Variants in VPS13B observed in about 807,000 individuals in gnomAD.
VPS13B encodes the protein intermembrane lipid transfer protein VPS13B.
Under a neutral mutation model 426.4 loss-of-function variants are expected in VPS13B, and 285 were observed. The observed-to-expected ratio is 0.67, with a 90% confidence interval of 0.61 to 0.74. The LOEUF is 0.74. Ranked by LOEUF, VPS13B falls within the 30% of genes least tolerant of loss-of-function variation. The probability of loss-of-function intolerance (pLI) is 0.00; values close to 1 mark genes in which losing one functional copy is unlikely to be tolerated. For missense variants in VPS13B, 4,537 were observed against 4,782.6 expected, an observed-to-expected ratio of 0.95 and a Z score of 1.51; for synonymous variants, 1,676 against 1,676.4, an observed-to-expected ratio of 1.00 and a Z score of 0.01.
intron 31 of VPS13B, among the ~76,000 whole-genome samples, chr8:99,563,613 C>T (rs1825042251): frequency 6.6e-6 from 1 of 152,100 alleles, no homozygotes; most frequent in Admixed American, 6.6e-5. Context: ...GAACTTGTTT[C>T]CACAGAGTAT....
intron 19 of VPS13B, among the ~76,000 whole-genome samples, chr8:99,379,151 G>T (rs968923408): frequency 2.6e-5 from 4 of 152,120 alleles, no homozygotes; most frequent in Admixed American, 6.5e-5. Flanking sequence ...TTGAATTAAT[G>T]CCTGATCATC....
At chr8:99,174,105 A>G (rs1279832478) in intron 16 of VPS13B, among the ~76,000 whole-genome samples, 1 of 152,166 alleles carries the variant, frequency 6.6e-6, no homozygotes, top group Admixed American at 6.5e-5. Context: ...CACTTAGCAT[A>G]ATGTTTTCAA....
intron 22 of VPS13B, among the ~76,000 whole-genome samples, chr8:99,439,248 A>G (rs1425935854): frequency 6.6e-6 from 1 of 152,188 alleles, no homozygotes; most frequent in African/African-American, 2.4e-5. Context: ...TTATTTATTG[A>G]GTACATAGTA....
chr8:99,744,976 A>C (rs181507962), intron 39 of VPS13B, among the ~76,000 whole-genome samples: 2,958 of 152,246 alleles, frequency 0.019, 100 homozygotes, highest in African/African-American at 0.068. Flanking sequence ...ATAATAAAAA[A>C]AAAAGAACCT....
chr8:99,562,469 TG>T (rs1428168455), intron 31 of VPS13B, among the ~76,000 whole-genome samples: 1 of 152,072 alleles, frequency 6.6e-6, no homozygotes, highest in Non-Finnish European at 1.5e-5. Flanking sequence ...TTAGTAGAGA[TG>T]GAGTTTCCCC....
chr8:99,819,302 A>G (rs1814228301), intron 47 of VPS13B, 110 bp from the exon 48 acceptor site: 2 of 1,305,338 alleles, frequency 1.5e-6, no homozygotes, highest in Admixed American at 3.7e-5. Context: ...GACTCTATCT[A>G]CCAAAAAGGT....
Position 99,303,258 on chromosome 8 carries a change from C to CAA in VPS13B, c.2824+28024_2824+28025dup, listed in dbSNP as rs757187342. On this transcript the variant is annotated intron_variant, in intron 19 of 61. Transcript: ENST00000357162. ...TTGCGCCACTGCACTCAGCCTGTCTCAAAAAAAAAAAAAAAAAAAAAGGAA... is the reference window on the plus strand; with the variant it reads ...TTGCGCCACTGCACTCAGCCTGTCTCAAAAAAAAAAAAAAAAAAAAAAAGGAA... Among the ~76,000 whole-genome samples, 9 of 57,296 alleles carry CAA rather than the reference C, an allele frequency of 1.6e-4. 2 individuals carry two copies. Among genetic ancestry groups the CAA allele is most frequent in the East Asian group, 5.2e-4 (1 of 1,912 alleles). The allele number at this position is 57,296 out of a possible 152,430, so 37.6% of individuals were successfully genotyped here.
chr8:99,588,134 G>A (rs201479270), intron 33 of VPS13B, among the ~76,000 whole-genome samples: 2 of 151,614 alleles, frequency 1.3e-5, no homozygotes, highest in African/African-American at 2.4e-5. Context: ...ATGGTTGTAG[G>A]TGTGTGGTGT....
intron 33 of VPS13B, among the ~76,000 whole-genome samples, chr8:99,609,072 G>T (rs1271199862): frequency 6.6e-6 from 1 of 152,088 alleles, no homozygotes; most frequent in Non-Finnish European, 1.5e-5. Flanking sequence ...TTTAACCATG[G>T]TAGTTTCTTA....
chr8:99,110,763 TATCTC>T (rs1681661161), intron 5 of VPS13B, among the ~76,000 whole-genome samples: 1 of 151,896 alleles, frequency 6.6e-6, no homozygotes, highest in African/African-American at 2.4e-5. Context: ...ATTTTATTGT[TATCTC>T]ATTGTGTAAG....
intron 19 of VPS13B, among the ~76,000 whole-genome samples, chr8:99,365,481 T>C (rs1342236040): frequency 1.3e-5 from 2 of 150,674 alleles, no homozygotes; most frequent in African/African-American, 4.9e-5. Context: ...ATTATTTGTT[T>C]CAAGAAATTT....
chr8:99,416,188 G>T (rs1192802337), intron 21 of VPS13B, among the ~76,000 whole-genome samples: 1 of 152,192 alleles, frequency 6.6e-6, no homozygotes, highest in African/African-American at 2.4e-5. Flanking sequence ...TCCCAGTTCA[G>T]ACTTCCCGAT....
At chr8:99,716,719 T>A (rs778847096) in intron 36 of VPS13B, among the ~76,000 whole-genome samples, 1 of 152,198 alleles carries the variant, frequency 6.6e-6, no homozygotes, top group Non-Finnish European at 1.5e-5. Flanking sequence ...ATATTTTGAT[T>A]GTTTTGAATT....
intron 17 of VPS13B, among the ~76,000 whole-genome samples, chr8:99,205,012 C>A (rs1814608026): frequency 6.6e-6 from 1 of 152,144 alleles, no homozygotes; most frequent in African/African-American, 2.4e-5. Context: ...TGGGTATATA[C>A]CCAAAGGATT....
At chr8:99,476,646 AC>A (rs1252198734) in intron 24 of VPS13B, among the ~76,000 whole-genome samples, 1 of 152,228 alleles carries the variant, frequency 6.6e-6, no homozygotes, top group East Asian at 1.9e-4. Flanking sequence ...CTCGTAAGAA[AC>A]CACGAAGGCC....
intron 3 of VPS13B, among the ~76,000 whole-genome samples, chr8:99,059,765 C>T (rs193039475): frequency 2.1e-3 from 212 of 103,348 alleles, no homozygotes; most frequent in African/African-American, 7.4e-3. Flanking sequence ...CAGGGTTTTG[C>T]TCTGTCACCC....
intron 25 of VPS13B, among the ~76,000 whole-genome samples, chr8:99,489,376 G>C (rs1820475757): frequency 6.6e-6 from 1 of 150,924 alleles, no homozygotes; most frequent in African/African-American, 2.4e-5. Context: ...GGATTGTCTT[G>C]GCAATGCGGG....
intron 56 of VPS13B, among the ~76,000 whole-genome samples, chr8:99,857,498 A>G (rs994884116): frequency 2.0e-5 from 3 of 152,136 alleles, no homozygotes; most frequent in African/African-American, 7.2e-5. Context: ...AATATTCCAC[A>G]GCCTCCCCAG....
chr8:99,640,440 A>C (rs927562104), intron 33 of VPS13B, among the ~76,000 whole-genome samples: 5 of 151,580 alleles, frequency 3.3e-5, no homozygotes, highest in Admixed American at 2.0e-4. Context: ...CTAATTCTTC[A>C]TATTTTTTGT....
Sources: gnomAD v4.1 joint callset for allele counts (sites outside exome capture counted in the v4.1 genomes callset) on GRCh38, gnomAD v4.1.1 for gene constraint, MANE v1.5 for transcripts, NCBI Gene and HGNC (gene_info 2026-07-23, HGNC 2026-07-21) for gene names.